Variants in ITPK1 observed in about 807,000 individuals in gnomAD.
ITPK1 encodes inositol-tetrakisphosphate 1-kinase.
Under a neutral mutation model 45.3 loss-of-function variants are expected in ITPK1, and 21 were observed. The ratio of observed to expected loss-of-function variants is 0.46; its 90% confidence interval spans 0.33 to 0.67. The LOEUF (loss-of-function observed/expected upper bound fraction) is 0.67, where lower values mean the gene tolerates loss of function less well. Ranked by LOEUF, ITPK1 falls within the 30% of genes least tolerant of loss-of-function variation. ITPK1 has a pLI of 0.02. For synonymous variants in ITPK1, 258 were observed against 253.6 expected, an observed-to-expected ratio of 1.02 and a Z score of -0.16; for missense variants, 474 against 573.5, an observed-to-expected ratio of 0.83 and a Z score of 1.77.
chr14:93,106,463 G>C (rs571875509), intron 2 of ITPK1, among the ~76,000 whole-genome samples: 76 of 152,282 alleles, frequency 5.0e-4, no homozygotes, highest in African/African-American at 1.3e-3. Context: ...GGCTTATAAG[G>C]CTTATGGTAG....
At chr14:93,027,267 A>G (rs1888784934) in intron 3 of ITPK1, among the ~76,000 whole-genome samples, 2 of 152,222 alleles carry the variant, frequency 1.3e-5, no homozygotes, top group South Asian at 4.1e-4. Flanking sequence ...TTACTTACTG[A>G]AAGTTTGTAA....
At position 93,063,300 on chromosome 14, in the gene ITPK1, C is replaced by G. The variant is rs1163124234; in HGVS notation, c.120+13295G>C. 2.0e-5 allele frequency among the ~76,000 whole-genome samples: 3 copies of G among 152,352 alleles called. No homozygotes were observed. Among genetic ancestry groups the G allele is most frequent in the South Asian group, 4.1e-4 (2 of 4,828 alleles). On this transcript the variant is annotated intron_variant, in intron 3 of 10. Transcript: ENST00000267615. The surrounding 1 kb of genome is among the most constrained non-coding windows in gnomAD (Gnocchi z 4.3). ...ACCCACACCCTCCTGCCCAGGGACC[C>G]CTGGTCCCCCACCCACCTGAGATGG...
At chr14:92,979,666 G>A (rs1886117798) in intron 5 of ITPK1, among the ~76,000 whole-genome samples, 1 of 152,070 alleles carries the variant, frequency 6.6e-6, no homozygotes, top group African/African-American at 2.4e-5. Context: ...GTAAAGACAT[G>A]CCTACTTCCC....
chr14:93,100,948 C>A (rs998323766), intron 2 of ITPK1, among the ~76,000 whole-genome samples: 7 of 152,194 alleles, frequency 4.6e-5, no homozygotes, highest in African/African-American at 9.7e-5. Flanking sequence ...GAACTGCCCA[C>A]GTCCCAGATG....
chr14:93,102,367 C>T (rs1409490275), intron 2 of ITPK1, among the ~76,000 whole-genome samples: 5 of 152,408 alleles, frequency 3.3e-5, no homozygotes, highest in Non-Finnish European at 7.3e-5. Context: ...GATCCCAATG[C>T]CGCGGGACAC....
intron 5 of ITPK1, among the ~76,000 whole-genome samples, chr14:92,985,833 G>T (rs1298443770): frequency 6.6e-6 from 1 of 152,126 alleles, no homozygotes; most frequent in Non-Finnish European, 1.5e-5. Flanking sequence ...TGCCAGGAGA[G>T]CTCCCATCTA....
chr14:92,984,091 C>T (rs1886370801), intron 5 of ITPK1, among the ~76,000 whole-genome samples: 1 of 152,158 alleles, frequency 6.6e-6, no homozygotes, highest in African/African-American at 2.4e-5. Flanking sequence ...ACTAAAAGTG[C>T]ACATGTATCT....
intron 3 of ITPK1, among the ~76,000 whole-genome samples, chr14:93,055,835 G>C (rs1414938701): frequency 6.6e-6 from 1 of 152,200 alleles, no homozygotes; most frequent in African/African-American, 2.4e-5. Context: ...TCAAGTCTCA[G>C]CCTTGTGAAG....
chr14:92,946,874 G>A (rs902268228), intron 9 of ITPK1, among the ~76,000 whole-genome samples: 2 of 152,282 alleles, frequency 1.3e-5, no homozygotes, highest in African/African-American at 4.8e-5. Flanking sequence ...CTTTTAACAG[G>A]GAGGAAGGAG....
At position 92,941,343 on chromosome 14, in the gene ITPK1, C is replaced by T. The variant is rs554800829; in HGVS notation, c.*218G>A. ...GGAGGTCTGCACAGTAGAGAGCAGG[C>T]GGACGGCCCCACTCCCCAACGGTGG... is the stretch of plus-strand genomic sequence containing the variant. On this transcript the variant is annotated 3_prime_UTR_variant, in exon 11 of 11. Coordinates refer to ENST00000267615, the MANE Select transcript of ITPK1 (RefSeq NM_014216.6). 1.4e-3 allele frequency: 1,984 copies of T among 1,410,156 alleles called. 3 individuals are homozygous for T. Among genetic ancestry groups the T allele is most frequent in the Non-Finnish European group, 1.6e-3 (1,794 of 1,089,772 alleles). 87.4% of individuals were successfully genotyped at this position (1,410,156 alleles called of 1,614,324 possible).
intron 2 of ITPK1, among the ~76,000 whole-genome samples, chr14:93,106,816 AC>A (rs769918828): frequency 7.4e-4 from 113 of 152,226 alleles, no homozygotes; most frequent in Non-Finnish European, 1.1e-3. Context: ...CCTGGGACTT[AC>A]CACCTAACTC....
chr14:93,113,977 G>T (rs913845637), intron 2 of ITPK1, among the ~76,000 whole-genome samples: 3 of 152,218 alleles, frequency 2.0e-5, no homozygotes, highest in Admixed American at 6.5e-5. Flanking sequence ...GCTCAGACCA[G>T]CCACGGGCCC....
At chr14:93,095,863 C>T (rs762406614) in intron 2 of ITPK1, among the ~76,000 whole-genome samples, 2 of 152,010 alleles carry the variant, frequency 1.3e-5, no homozygotes, top group Non-Finnish European at 2.9e-5. Context: ...TTTTCTGTTC[C>T]TGCGTTAATT....
At chr14:93,111,710 CAA>C (rs34085009) in intron 2 of ITPK1, among the ~76,000 whole-genome samples, 42 of 76,698 alleles carry the variant, frequency 5.5e-4, no homozygotes, top group African/African-American at 1.6e-3. Flanking sequence ...GACTCCACCT[CAA>C]AAAAAAAAAA....
chr14:92,986,556 G>C (rs374308829), intron 5 of ITPK1, among the ~76,000 whole-genome samples: 16 of 152,202 alleles, frequency 1.1e-4, no homozygotes, highest in African/African-American at 3.6e-4. Flanking sequence ...GTGCCTGTGG[G>C]TTGAGAGGGG....
chr14:93,074,967 C>T (rs1891155971), intron 3 of ITPK1, among the ~76,000 whole-genome samples: 1 of 152,130 alleles, frequency 6.6e-6, no homozygotes, highest in Admixed American at 6.6e-5. Context: ...TGAACACACA[C>T]CCCTAAGCCA....
intron 3 of ITPK1, among the ~76,000 whole-genome samples, chr14:93,062,293 T>C (rs1199967529): frequency 6.6e-6 from 1 of 150,664 alleles, no homozygotes; most frequent in Non-Finnish European, 1.5e-5. Flanking sequence ...GCATCAAAGA[T>C]GTTGGTGCAC....
chr14:93,047,712 T>C (rs1426120009), intron 3 of ITPK1, among the ~76,000 whole-genome samples: 2 of 152,200 alleles, frequency 1.3e-5, no homozygotes, highest in African/African-American at 4.8e-5. Flanking sequence ...TCTGTTCTCC[T>C]AAGCCACGCA....
chr14:93,081,062 G>A (rs1016119898), intron 2 of ITPK1, among the ~76,000 whole-genome samples: 1 of 150,510 alleles, frequency 6.6e-6, no homozygotes, highest in Admixed American at 6.6e-5. Context: ...GGGCATGGTG[G>A]CTCACGCCTG....
Sources: allele counts gnomAD v4.1 joint callset (sites outside exome capture counted in the v4.1 genomes callset), GRCh38; gene constraint gnomAD v4.1.1; non-coding constraint Gnocchi (gnomAD v3.1); transcripts MANE v1.5; gene names NCBI Gene and HGNC (gene_info 2026-07-23, HGNC 2026-07-21).